Variants in BRD10 observed in about 807,000 individuals in gnomAD.
BRD10 encodes bromodomain containing 10, also known as uncharacterized bromodomain-containing protein 10.
the BRD10 span, among the ~76,000 whole-genome samples, chr9:5,902,707 A>ATGTT: frequency 1.3e-5 from 2 of 150,744 alleles, no homozygotes; most frequent in African/African-American, 4.9e-5. Context: ...GAGTCTCACT[A>ATGTT]TGTTGCTCTG....
the BRD10 span, among the ~76,000 whole-genome samples, chr9:6,001,384 G>A: frequency 2.0e-5 from 3 of 152,086 alleles, no homozygotes; most frequent in East Asian, 1.9e-4. Context: ...AAGCATTCAC[G>A]GTACTTTATG....
chr9:5,993,214 C>T, the BRD10 span, among the ~76,000 whole-genome samples: 9 of 150,148 alleles, frequency 6.0e-5, no homozygotes, highest in Non-Finnish European at 1.0e-4. Flanking sequence ...ACTCAGGAGG[C>T]TGAGGCAGGA....
the BRD10 span, among the ~76,000 whole-genome samples, chr9:5,903,106 G>A: frequency 6.6e-6 from 1 of 151,806 alleles, no homozygotes; most frequent in African/African-American, 2.4e-5. Flanking sequence ...GAAGTGTGTT[G>A]TTTAATCTCC....
chr9:5,910,998 T>C, the BRD10 span, among the ~76,000 whole-genome samples: 1 of 152,200 alleles, frequency 6.6e-6, no homozygotes, highest in Non-Finnish European at 1.5e-5. Flanking sequence ...GGTTGTCTCT[T>C]TACTTTGTTG....
the BRD10 span, among the ~76,000 whole-genome samples, chr9:5,906,078 G>A: frequency 1.3e-5 from 2 of 151,916 alleles, no homozygotes; most frequent in Non-Finnish European, 2.9e-5. Flanking sequence ...TATGTTGGGT[G>A]CAGTGGTGCA....
At chr9:6,003,695 T>C in the BRD10 span, among the ~76,000 whole-genome samples, 1 of 152,166 alleles carries the variant, frequency 6.6e-6, no homozygotes, top group Non-Finnish European at 1.5e-5. Context: ...TTCTGAGAAT[T>C]AATCAGCTTT....
At chr9:5,926,603 C>A in the BRD10 span, among the ~76,000 whole-genome samples, 60 of 152,282 alleles carry the variant, frequency 3.9e-4, no homozygotes, top group African/African-American at 1.4e-3. Flanking sequence ...GCGATCACAG[C>A]TCACTGCAAG....
At chr9:5,933,879 T>C in the BRD10 span, 1 of 468,550 alleles carries the variant, frequency 2.1e-6, no homozygotes, top group Non-Finnish European at 4.4e-6. Context: ...GGACATTGGA[T>C]ACCTAAAAAG....
the BRD10 span, among the ~76,000 whole-genome samples, chr9:5,982,425 T>C: frequency 2.0e-5 from 3 of 152,166 alleles, no homozygotes; most frequent in African/African-American, 4.8e-5. Flanking sequence ...TGTGGCAGTA[T>C]TGAGAGGTGG....
At chr9:5,921,361 T>C in the BRD10 span, 13 of 1,613,856 alleles carry the variant, frequency 8.1e-6, no homozygotes, top group South Asian at 7.7e-5. Context: ...CTATTTGGGG[T>C]TGCTCTGGAG....
chr9:6,005,576 T>C, the BRD10 span, among the ~76,000 whole-genome samples: 1 of 152,238 alleles, frequency 6.6e-6, no homozygotes, highest in Admixed American at 6.5e-5. Flanking sequence ...ACCCATATGC[T>C]ATCTCTTAGC....
chr9:6,008,298 A>G, the BRD10 span: 2 of 984,628 alleles, frequency 2.0e-6, no homozygotes, highest in Non-Finnish European at 2.4e-6. Context: ...GGACACGGGC[A>G]GAAGGAGGCG....
the BRD10 span, among the ~76,000 whole-genome samples, chr9:5,998,224 C>T: frequency 6.6e-6 from 1 of 152,074 alleles, no homozygotes; most frequent in Non-Finnish European, 1.5e-5. Flanking sequence ...AGTAGGAGAC[C>T]TGGAGACTGG....
At chr9:5,905,387 G>A in the BRD10 span, among the ~76,000 whole-genome samples, 1 of 152,150 alleles carries the variant, frequency 6.6e-6, no homozygotes, top group African/African-American at 2.4e-5. Flanking sequence ...CAACTGACCA[G>A]CATTAATTTT....
At chr9:5,971,477 ACTGG>A in the BRD10 span, among the ~76,000 whole-genome samples, 1 of 152,212 alleles carries the variant, frequency 6.6e-6, no homozygotes, top group African/African-American at 2.4e-5. Flanking sequence ...AATGTCTGAC[ACTGG>A]CTATTTTTCT....
chr9:5,928,994 T>TA, the BRD10 span: 1 of 997,278 alleles, frequency 1.0e-6, no homozygotes, highest in Admixed American at 2.2e-5. Flanking sequence ...CCAAAAATCG[T>TA]AAATTAAGGA....
the BRD10 span, among the ~76,000 whole-genome samples, chr9:5,888,273 T>C: frequency 8.5e-5 from 13 of 152,338 alleles, no homozygotes; most frequent in African/African-American, 2.9e-4. Context: ...TGATGTTAAG[T>C]AGAATCAGCT....
At chr9:5,937,520 A>C in the BRD10 span, among the ~76,000 whole-genome samples, 2 of 152,138 alleles carry the variant, frequency 1.3e-5, no homozygotes, top group Non-Finnish European at 2.9e-5. Context: ...AGGCAAATGA[A>C]CAAGACTCCG....
At chr9:5,937,459 T>A in the BRD10 span, among the ~76,000 whole-genome samples, 161 of 149,138 alleles carry the variant, frequency 1.1e-3, no homozygotes, top group Non-Finnish European at 1.9e-3. Context: ...CGCTTGAACC[T>A]GGGAGGCAGA....
Sources: allele counts gnomAD v4.1 joint callset (sites outside exome capture counted in the v4.1 genomes callset), GRCh38; gene constraint gnomAD v4.1.1; transcripts MANE v1.5; gene names NCBI Gene and HGNC (gene_info 2026-07-23, HGNC 2026-07-21).